SCYL2: variants seen among roughly 807,000 people sequenced by gnomAD.
SCYL2 encodes SCY1 like pseudokinase 2.
In SCYL2, 36 loss-of-function variants were observed where a neutral mutation model predicts 100.4. The observed-to-expected ratio is 0.36, with a 90% confidence interval of 0.27 to 0.47. The LOEUF is 0.47. Among genes scored for constraint, SCYL2 ranks in the 20% least tolerant of loss-of-function variants. SCYL2 has a pLI of 1.00. For missense variants in SCYL2, 902 were observed against 1,083.9 expected (o/e 0.83, Z 2.36); for synonymous variants, 330 against 359.2 (o/e 0.92, Z 0.92).
rs1416675128 is a variant in SCYL2, at chr12:100,324,264, G to A, written c.1509+626G>A. ...ATATTGAAAGCAATAAATGTCCCCAGCCTTTTCTCTAACACTAAATATAAT... is the reference window on the plus strand; with the variant it reads ...ATATTGAAAGCAATAAATGTCCCCAACCTTTTCTCTAACACTAAATATAAT... On this transcript the variant is annotated intron_variant, in intron 11 of 17. Coordinates refer to ENST00000360820, the MANE Select transcript of SCYL2 (RefSeq NM_017988.6). Among the ~76,000 whole-genome samples the A allele has an allele frequency of 3.9e-5, 6 of 152,082 alleles. No individual in the cohort carries two copies. In the East Asian group the frequency reaches 9.6e-4, roughly 24 times the overall value.
chr12:100,284,961 C>T (rs1208011131), intron 2 of SCYL2, among the ~76,000 whole-genome samples: 2 of 152,114 alleles, frequency 1.3e-5, no homozygotes, highest in Non-Finnish European at 2.9e-5. Context: ...CCCTTCAGCT[C>T]AGGAGTTTAA....
At chr12:100,299,077 T>A (rs2135870814) in intron 4 of SCYL2, among the ~76,000 whole-genome samples, 1 of 151,978 alleles carries the variant, frequency 6.6e-6, no homozygotes, top group South Asian at 2.1e-4. Flanking sequence ...TACAAAAAAA[T>A]TTTAAAAATT....
In SCYL2 at chr12:100,338,883, C is replaced by A. The variant is rs1952315996; in HGVS notation, c.2501C>A (p.Pro834His). Reference sequence around the variant, plus strand: ...GGTGCAAAGCAGACCCAACAAAGACCCACAGATATGTCTGCCCTTAATAAT... The same window carrying A: ...GGTGCAAAGCAGACCCAACAAAGACACACAGATATGTCTGCCCTTAATAAT... The part of the protein sequence containing the change: ...PAGAKQTQQR[P>H]TDMSALNNLF... Residue 834 changes from proline (P) to histidine (H), a missense_variant, in exon 18 of 18, where the codon CCC becomes CAC. Pro to His is a moderately conservative substitution (Grantham distance 77). Coordinates refer to ENST00000360820, the MANE Select transcript of SCYL2 (RefSeq NM_017988.6). The A allele has an allele frequency of 1.6e-5, 26 of 1,614,132 alleles. No individual in the cohort carries two copies. The highest frequency in any genetic ancestry group is 2.1e-5 in the Non-Finnish European group (25 of 1,179,988).
intron 4 of SCYL2, among the ~76,000 whole-genome samples, chr12:100,309,142 G>A (rs192309147): frequency 6.6e-6 from 1 of 152,034 alleles, no homozygotes; most frequent in Admixed American, 6.6e-5. Flanking sequence ...GTGCGCGCGC[G>A]TGTGTGCAGC....
chr12:100,330,422 CAA>C (rs1367737914), intron 13 of SCYL2, among the ~76,000 whole-genome samples: 1 of 152,146 alleles, frequency 6.6e-6, no homozygotes, highest in Admixed American at 6.5e-5. Context: ...AGAAACTCCT[CAA>C]AGACTGGTTA....
chr12:100,271,372 C>T (rs916447980), intron 1 of SCYL2, among the ~76,000 whole-genome samples: 1 of 151,816 alleles, frequency 6.6e-6, no homozygotes. Context: ...TATTTTCCCC[C>T]AGATTTTGTG....
chr12:100,270,877 TG>T (rs2096286893), intron 1 of SCYL2, among the ~76,000 whole-genome samples: 1 of 152,068 alleles, frequency 6.6e-6, no homozygotes, highest in Non-Finnish European at 1.5e-5. Flanking sequence ...GCATTTAGCA[TG>T]GTGCTTTTCA....
At position 100,267,440 on chromosome 12, in the gene SCYL2, G is replaced by C. The variant is rs7316039; in HGVS notation, c.-381G>C. On this transcript the variant is annotated 5_prime_UTR_variant, in exon 1 of 18. Transcript: ENST00000360820. ...GCACCGACCGACCTCCCTCACCGGC[G>C]GCTCTCTCGCCTGGGCTCCCGGAGC... 0.27 allele frequency: 47,721 copies of C among 177,228 alleles called. 7,310 individuals carry two copies. The highest frequency in any genetic ancestry group is 0.39 in the African/African-American group (16,559 of 42,244). 11.0% of individuals were successfully genotyped at this position (177,228 alleles called of 1,614,324 possible).
chr12:100,335,504 C>A, intron 14 of SCYL2, 121 bp from the exon 15 acceptor site: 1 of 660,960 alleles, frequency 1.5e-6, no homozygotes, highest in Non-Finnish European at 2.5e-6. Context: ...GAAAAGATGA[C>A]TCTTCTTAAA....
intron 17 of SCYL2, among the ~76,000 whole-genome samples, chr12:100,338,148 T>C (rs1423273765): frequency 1.3e-5 from 2 of 152,232 alleles, no homozygotes; most frequent in East Asian, 3.8e-4. Context: ...GTAGGTACTT[T>C]TTTAAGAATA....
intron 10 of SCYL2, chr12:100,319,393 A>G (rs1184380835): frequency 2.8e-6 from 1 of 355,242 alleles, no homozygotes; most frequent in Non-Finnish European, 5.6e-6. Context: ...ATATTTAGTG[A>G]TATTAAAGAA....
chr12:100,283,969 TTCAATTCACCATAAGC>T (rs1453547913), intron 2 of SCYL2, among the ~76,000 whole-genome samples: 11 of 152,234 alleles, frequency 7.2e-5, no homozygotes, highest in Non-Finnish European at 1.2e-4. Flanking sequence ...TGCTTTTTTC[TTCAATTCACCATAAGC>T]TCATCCAAAA....
chr12:100,313,543 G>A lies in SCYL2; in HGVS notation c.969+5G>A. The stretch of plus-strand genomic sequence containing the variant: ...GATGCAGATCAAATGACAAAGGTGA[G>A]TACATGTGGATTTCTGCCTAAGATG... On this transcript the variant is annotated splice_donor_5th_base_variant and intron_variant, in intron 7 of 17. Coordinates refer to ENST00000360820, the MANE Select transcript of SCYL2 (RefSeq NM_017988.6). 1.4e-6 allele frequency: 2 copies of A among 1,465,736 alleles called. No homozygotes were observed. Among genetic ancestry groups the A allele is most frequent in the Non-Finnish European group, 1.9e-6 (2 of 1,053,274 alleles). The allele number at this position is 1,465,736 out of a possible 1,614,324, so 90.8% of individuals were successfully genotyped here. A position where few individuals can be genotyped will look rare whatever the true frequency, so the allele number is the denominator to read the frequency against.
chr12:100,273,378 C>T (rs7311087), intron 1 of SCYL2, among the ~76,000 whole-genome samples: 2,592 of 152,188 alleles, frequency 0.017, 73 homozygotes, highest in African/African-American at 0.058. Context: ...TATTCTGTAG[C>T]GTTTTATCAC....
At chr12:100,320,399 T>A (rs2096354335) in intron 10 of SCYL2, among the ~76,000 whole-genome samples, 1 of 151,546 alleles carries the variant, frequency 6.6e-6, no homozygotes, top group Non-Finnish European at 1.5e-5. Context: ...ATACAAAAAT[T>A]AGCTGGGTGT....
chr12:100,285,670 T>C (rs1031092608), intron 2 of SCYL2, among the ~76,000 whole-genome samples: 2 of 152,236 alleles, frequency 1.3e-5, no homozygotes, highest in African/African-American at 4.8e-5. Context: ...AAATGTCTGA[T>C]AGGTAATTCA....
chr12:100,284,042 G>A (rs1429324287), intron 2 of SCYL2, among the ~76,000 whole-genome samples: 5 of 152,074 alleles, frequency 3.3e-5, no homozygotes, highest in Non-Finnish European at 7.4e-5. Context: ...CTATTAATGA[G>A]GTCATGAGTT....
intron 10 of SCYL2, among the ~76,000 whole-genome samples, chr12:100,321,707 C>CT (rs761374781): frequency 4.6e-5 from 7 of 152,036 alleles, no homozygotes; most frequent in Non-Finnish European, 1.0e-4. Context: ...TCCTTCTAGT[C>CT]TTTTTTCCTA....
chr12:100,282,171 C>T (rs575938827), intron 1 of SCYL2, among the ~76,000 whole-genome samples: 2 of 151,896 alleles, frequency 1.3e-5, no homozygotes, highest in South Asian at 4.2e-4. Flanking sequence ...ATTGTGGGCA[C>T]GCGCCACCAT....
Sources: gnomAD v4.1 joint callset for allele counts (sites outside exome capture counted in the v4.1 genomes callset) on GRCh38, gnomAD v4.1.1 for gene constraint, MANE v1.5 for transcripts, NCBI Gene and HGNC (gene_info 2026-07-23, HGNC 2026-07-21) for gene names.